AGBL4: variants seen among roughly 807,000 people sequenced by gnomAD.
AGBL4 encodes the protein AGBL carboxypeptidase 4, also known as cytosolic carboxypeptidase 6.
AGBL4 carries 58 observed loss-of-function variants against 66.4 expected under a neutral mutation model. The observed-to-expected ratio is 0.87, with a 90% CI of 0.71 to 1.09. The LOEUF (loss-of-function observed/expected upper bound fraction) is 1.09. AGBL4 is among the 50% of genes least tolerant of loss of function. The pLI, the probability that AGBL4 is intolerant of heterozygous loss-of-function variation, is 0.00. For missense variants in AGBL4, 579 were observed against 631.0 expected, an observed-to-expected ratio of 0.92 and a Z score of 0.88; for synonymous variants, 234 against 222.9, an observed-to-expected ratio of 1.05 and a Z score of -0.44.
In AGBL4 at chr1:49,717,944, C is replaced by G. The variant is rs138490845; in HGVS notation, c.158-20507G>C. Among the ~76,000 whole-genome samples the G allele has an allele frequency of 2.4e-3, 370 of 152,164 alleles. 1 individual carries two copies. The highest frequency in any genetic ancestry group is 7.9e-3 in the African/African-American group (330 of 41,546). The stretch of plus-strand genomic sequence containing the variant: ...TATATCAGTCCTTGCTATCATGAAG[C>G]TAACGATCAAGCTGGAGCAATAGTC... On this transcript the variant is annotated intron_variant, in intron 2 of 13. Coordinates refer to ENST00000371839, the MANE Select transcript of AGBL4 (RefSeq NM_032785.4).
intron 6 of AGBL4, among the ~76,000 whole-genome samples, chr1:48,741,933 C>T (rs974496977): frequency 1.3e-5 from 2 of 152,204 alleles, no homozygotes; most frequent in Non-Finnish European, 2.9e-5. Context: ...AGAAAAATTT[C>T]CTCCCCTGCC....
At chr1:49,556,041 A>ATTTACTG (rs1653415604) in intron 3 of AGBL4, among the ~76,000 whole-genome samples, 1 of 152,216 alleles carries the variant, frequency 6.6e-6, no homozygotes, top group Admixed American at 6.6e-5. Context: ...ATATACCCAA[A>ATTTACTG]GGATTATAAA....
intron 3 of AGBL4, among the ~76,000 whole-genome samples, chr1:49,693,610 T>TG (rs1293709140): frequency 5.3e-5 from 8 of 152,042 alleles, no homozygotes; most frequent in East Asian, 1.9e-4. Context: ...TTTGTGTGTG[T>TG]GGGGGGGTGC....
chr1:49,114,712 T>C (rs1391738628), intron 4 of AGBL4, among the ~76,000 whole-genome samples: 2 of 152,048 alleles, frequency 1.3e-5, no homozygotes, highest in African/African-American at 2.4e-5. Flanking sequence ...GGGTTATTAA[T>C]TGGCCTAATT....
chr1:48,569,904 T>A (rs533838326), intron 11 of AGBL4, among the ~76,000 whole-genome samples: 1 of 152,200 alleles, frequency 6.6e-6, no homozygotes, highest in Non-Finnish European at 1.5e-5. Flanking sequence ...TAATCTCAGG[T>A]GGTCAATCAC....
At chr1:49,418,562 G>C (rs775373639) in intron 3 of AGBL4, among the ~76,000 whole-genome samples, 1 of 152,162 alleles carries the variant, frequency 6.6e-6, no homozygotes, top group African/African-American at 2.4e-5. Flanking sequence ...AGACTCAGTG[G>C]AGTCAGGGAC....
At chr1:48,742,778 A>G in intron 6 of AGBL4, 1 of 1,554,806 alleles carries the variant, frequency 6.4e-7, no homozygotes, top group Non-Finnish European at 8.7e-7. Flanking sequence ...GGACCTAGGC[A>G]GTTAAGAAAA....
chr1:48,841,345 G>A (rs1233883280), intron 6 of AGBL4, among the ~76,000 whole-genome samples: 1 of 150,600 alleles, frequency 6.6e-6, no homozygotes, highest in African/African-American at 2.5e-5. Context: ...TTTCTAAGGT[G>A]TCTTTGTAAT....
chr1:48,669,336 T>C (rs1646240209), intron 6 of AGBL4, among the ~76,000 whole-genome samples: 1 of 152,226 alleles, frequency 6.6e-6, no homozygotes. Context: ...ATGGGGTTCC[T>C]CAGCATCAAC....
chr1:48,970,670 A>G (rs906869439), intron 5 of AGBL4, among the ~76,000 whole-genome samples: 2 of 152,184 alleles, frequency 1.3e-5, no homozygotes, highest in Admixed American at 6.5e-5. Flanking sequence ...TCTCATCAGG[A>G]AAGTATTTTG....
At chr1:50,021,813 G>T (rs1662464699) in intron 1 of AGBL4, among the ~76,000 whole-genome samples, 1 of 151,924 alleles carries the variant, frequency 6.6e-6, no homozygotes, top group African/African-American at 2.4e-5. Flanking sequence ...TTCTAATCAT[G>T]GCATGCTCCC....
intron 1 of AGBL4, among the ~76,000 whole-genome samples, chr1:49,874,862 A>G (rs921844890): frequency 4.6e-5 from 7 of 151,916 alleles, no homozygotes; most frequent in African/African-American, 1.7e-4. Context: ...TTTAGGGTAC[A>G]TGTGCACAAT....
intron 6 of AGBL4, among the ~76,000 whole-genome samples, chr1:48,737,234 A>C (rs536647135): frequency 3.3e-4 from 50 of 152,312 alleles, no homozygotes; most frequent in Admixed American, 3.1e-3. Context: ...CAGTGAGCCG[A>C]GATCGTGCCA....
At chr1:49,888,061 A>G (rs915391307) in intron 1 of AGBL4, among the ~76,000 whole-genome samples, 2 of 152,176 alleles carry the variant, frequency 1.3e-5, no homozygotes, top group Admixed American at 1.3e-4. Flanking sequence ...GCTAGCCATA[A>G]GCATAGATGT....
intron 4 of AGBL4, among the ~76,000 whole-genome samples, chr1:49,086,245 A>G (rs1644905201): frequency 6.6e-6 from 1 of 152,150 alleles, no homozygotes; most frequent in Non-Finnish European, 1.5e-5. Flanking sequence ...ATAGTCAGAC[A>G]ATAGGGTAGG....
At chr1:49,520,403 C>A (rs1050001912) in intron 3 of AGBL4, among the ~76,000 whole-genome samples, 7 of 152,014 alleles carry the variant, frequency 4.6e-5, no homozygotes, top group Admixed American at 3.9e-4. Flanking sequence ...CAACTCAACT[C>A]TTTTTAAAGT....
intron 2 of AGBL4, among the ~76,000 whole-genome samples, chr1:49,722,802 G>A (rs185287624): frequency 1.7e-4 from 26 of 152,030 alleles, no homozygotes; most frequent in Admixed American, 2.6e-4. Context: ...ACTTCTCTCC[G>A]TTTCCAATGA....
intron 1 of AGBL4, among the ~76,000 whole-genome samples, chr1:49,999,267 C>G (rs1024726846): frequency 6.6e-6 from 1 of 151,376 alleles, no homozygotes; most frequent in South Asian, 2.1e-4. Flanking sequence ...AACAGTAGCT[C>G]TGCTATACAC....
rs1436493527 is a variant in AGBL4, at chr1:49,261,518, GACAA to G, written c.283-15658_283-15655del. Among the ~76,000 whole-genome samples the G allele has an allele frequency of 6.7e-5, 10 of 149,390 alleles. No individual in the cohort carries two copies. The East Asian group carries it at 1.6e-3, about 24-fold the overall frequency. On this transcript the variant is annotated intron_variant, in intron 3 of 13. Transcript: ENST00000371839. ...CAAGCATTCTTATACACCAATAACA[GACAA>G]ACAGAGAGCCAAATCATGAGTGAAC...
Sources: allele counts gnomAD v4.1 joint callset (sites outside exome capture counted in the v4.1 genomes callset), GRCh38; gene constraint gnomAD v4.1.1; transcripts MANE v1.5; gene names NCBI Gene and HGNC (gene_info 2026-07-23, HGNC 2026-07-21).